The following NLGN4X variants were observed in gnomAD, a reference collection of about 807,000 sequenced individuals.
NLGN4X encodes the protein neuroligin-4, X-linked.
NLGN4X carries 3 observed loss-of-function variants against 40.3 expected under a neutral mutation model. The ratio of observed to expected loss-of-function variants is 0.07; its 90% CI spans 0.03 to 0.19. The LOEUF is 0.19. Ranked by LOEUF, NLGN4X falls within the 10% of genes least tolerant of loss-of-function variation. NLGN4X has a pLI of 1.00. For missense variants in NLGN4X, 382 were observed against 708.3 expected, an observed-to-expected ratio of 0.54 and a Z score of 5.23; for synonymous variants, 270 against 306.8, an observed-to-expected ratio of 0.88 and a Z score of 1.25.
At chrX:5,981,993 C>T (rs1044086915) in intron 3 of NLGN4X, among the ~76,000 whole-genome samples, 19 of 111,052 alleles carry the variant, frequency 1.7e-4, no homozygotes, top group African/African-American at 6.2e-4. Flanking sequence ...AAATTAAATC[C>T]CTAAATTTGA....
chrX:6,196,989 A>AC (rs748711148), intron 1 of NLGN4X, among the ~76,000 whole-genome samples: 105 of 111,766 alleles, frequency 9.4e-4, no homozygotes, highest in Non-Finnish European at 1.8e-3. Flanking sequence ...CAGAATGCAG[A>AC]CCACTAACAC....
intron 2 of NLGN4X, among the ~76,000 whole-genome samples, chrX:6,114,117 G>A (rs1298204910): frequency 2.7e-5 from 3 of 111,488 alleles, no homozygotes; most frequent in Non-Finnish European, 5.6e-5. Flanking sequence ...ACCGCACCCG[G>A]CCTACTTCTG....
At chrX:5,959,202 A>G (rs2034583394) in intron 3 of NLGN4X, among the ~76,000 whole-genome samples, 2 of 111,996 alleles carry the variant, frequency 1.8e-5, no homozygotes, top group Non-Finnish European at 3.8e-5. Flanking sequence ...GTGTTCTTTT[A>G]TCTTTCTCAG....
chrX:6,197,103 T>C (rs970082159), intron 1 of NLGN4X, among the ~76,000 whole-genome samples: 11 of 112,003 alleles, frequency 9.8e-5, no homozygotes, highest in African/African-American at 3.6e-4. Flanking sequence ...TTATAAGCCA[T>C]TGTCATGTAG....
chrX:6,052,948 C>T (rs995268122), intron 2 of NLGN4X, among the ~76,000 whole-genome samples: 1 of 112,102 alleles, frequency 8.9e-6, no homozygotes, highest in Non-Finnish European at 1.9e-5. Context: ...AAGAATGTTT[C>T]CTCGCTTCTT....
chrX:6,202,852 T>C (rs1305967836), intron 1 of NLGN4X, among the ~76,000 whole-genome samples: 2 of 112,076 alleles, frequency 1.8e-5, no homozygotes, highest in East Asian at 5.6e-4. Flanking sequence ...TCTCTCCCTT[T>C]TCTTAACTGG....
chrX:6,001,782 T>C (rs970674996), intron 3 of NLGN4X, among the ~76,000 whole-genome samples: 3 of 110,866 alleles, frequency 2.7e-5, no homozygotes, highest in African/African-American at 9.8e-5. Context: ...GATAAAACTT[T>C]GTTGCAAACC....
chrX:6,030,392 A>ATTGTGTGTGTG (rs56353701), intron 2 of NLGN4X, among the ~76,000 whole-genome samples: 37 of 68,281 alleles, frequency 5.4e-4, no homozygotes, highest in East Asian at 3.1e-3. Flanking sequence ...CTGGATACAG[A>ATTGTGTGTGTG]TATGTGTGTG....
intron 3 of NLGN4X, among the ~76,000 whole-genome samples, chrX:5,963,875 CCTT>C (rs2034740611): frequency 8.9e-6 from 1 of 112,233 alleles, no homozygotes; most frequent in Non-Finnish European, 1.9e-5. Flanking sequence ...TCGTTTCTCT[CCTT>C]CTATAAAAAA....
At chrX:6,024,122 G>A (rs2036622872) in intron 3 of NLGN4X, among the ~76,000 whole-genome samples, 1 of 112,122 alleles carries the variant, frequency 8.9e-6, no homozygotes, top group Non-Finnish European at 1.9e-5. Flanking sequence ...ATTATCCTCT[G>A]CAGTTTCTGT....
chrX:6,222,935 T>A (rs756128728), intron 1 of NLGN4X, among the ~76,000 whole-genome samples: 26 of 111,784 alleles, frequency 2.3e-4, no homozygotes, highest in Non-Finnish European at 4.3e-4. Flanking sequence ...GATTGTAAGT[T>A]TCCTGAGGCC....
Position 5,893,391 on chromosome X carries a change from C to T in NLGN4X, c.1877G>A (p.Arg626Gln), listed in dbSNP as rs1291813149. Reference protein sequence around the residue: ...PDMTSFPYGTRRSPAKIWPTT... With the variant: ...PDMTSFPYGTQRSPAKIWPTT... Reference sequence around the variant, plus strand: ...TGGCCATATCTTGGCGGGAGATCGCCGGGTGCCATAGGGAAATGATGTCAT... The same window carrying T: ...TGGCCATATCTTGGCGGGAGATCGCTGGGTGCCATAGGGAAATGATGTCAT... The change falls in exon 6 of 6, where the codon CGG (arginine) becomes CAG (glutamine). Residue 626 changes from arginine (R) to glutamine (Q), a missense_variant. Arg to Gln is a conservative substitution (Grantham distance 43). Around this residue, in one of 5 missense-constraint regions of NLGN4X, gnomAD observed 149 missense variants for 375.8 expected, o/e 0.40. Transcript: ENST00000381095. 7 of 1,207,505 alleles carry T rather than the reference C, an allele frequency of 5.8e-6. No homozygotes were observed. The highest frequency in any genetic ancestry group is 3.6e-5 in the African/African-American group (2 of 56,019).
intron 2 of NLGN4X, among the ~76,000 whole-genome samples, chrX:6,073,603 C>T (rs1333346222): frequency 9.0e-6 from 1 of 111,078 alleles, no homozygotes; most frequent in Non-Finnish European, 1.9e-5. Flanking sequence ...CAATGTCTAT[C>T]CTTAAGGTGT....
chrX:6,212,745 G>A (rs935846869), intron 1 of NLGN4X, among the ~76,000 whole-genome samples: 2 of 111,922 alleles, frequency 1.8e-5, no homozygotes, highest in Non-Finnish European at 3.8e-5. Flanking sequence ...TGAACCAGCA[G>A]GGCTGAGAGT....
chrX:6,140,007 T>C (rs1410931617), intron 2 of NLGN4X, among the ~76,000 whole-genome samples: 1 of 111,293 alleles, frequency 9.0e-6, no homozygotes, highest in Admixed American at 9.6e-5. Flanking sequence ...GCAAATGGGA[T>C]GTTAGGTGAA....
At chrX:5,945,223 T>C (rs1262449114) in intron 3 of NLGN4X, among the ~76,000 whole-genome samples, 2 of 111,246 alleles carry the variant, frequency 1.8e-5, no homozygotes, top group African/African-American at 3.3e-5. Flanking sequence ...TAGACAAGTA[T>C]AGCAGTAAAG....
intron 3 of NLGN4X, among the ~76,000 whole-genome samples, chrX:5,957,466 T>G (rs948137600): frequency 2.7e-5 from 3 of 111,887 alleles, no homozygotes; most frequent in Non-Finnish European, 5.6e-5. Flanking sequence ...ATATTTCTGC[T>G]TGCTAACAAA....
intron 2 of NLGN4X, among the ~76,000 whole-genome samples, chrX:6,120,441 A>G (rs2147574397): frequency 8.9e-6 from 1 of 111,913 alleles, no homozygotes; most frequent in African/African-American, 3.2e-5. Flanking sequence ...ATTATGATAA[A>G]TGAAATTAGT....
rs186431698 is a variant in NLGN4X, at chrX:6,094,072, C to G, written c.472+56923G>C. Among the ~76,000 whole-genome samples, 462 of 111,660 alleles carry G rather than the reference C, an allele frequency of 4.1e-3. 5 individuals carry two copies. Among genetic ancestry groups the G allele is most frequent in the African/African-American group, 0.014 (436 of 30,811 alleles). The stretch of plus-strand genomic sequence containing the variant: ...GTATCTCATCATTAGAAAATACACA[C>G]AAAACACTTAAAAATTAACTGTTTA... On this transcript the variant is annotated intron_variant, in intron 2 of 5. Coordinates refer to ENST00000381095, the MANE Select transcript of NLGN4X (RefSeq NM_181332.3).
Sources: allele counts gnomAD v4.1 joint callset (sites outside exome capture counted in the v4.1 genomes callset), GRCh38; gene constraint gnomAD v4.1.1; regional missense constraint gnomAD v4.1.1; transcripts MANE v1.5; gene names NCBI Gene and HGNC (gene_info 2026-07-23, HGNC 2026-07-21).